The following CDC14B variants were observed in gnomAD, a reference collection of about 807,000 sequenced individuals.
CDC14B encodes cell division cycle 14B.
Under a neutral mutation model 64.2 loss-of-function variants are expected in CDC14B, and 22 were observed. The ratio of observed to expected loss-of-function variants is 0.34; its 90% CI spans 0.24 to 0.49. The LOEUF is 0.49. CDC14B is among the 20% of genes least tolerant of loss of function. The pLI, the probability that CDC14B is intolerant of heterozygous loss-of-function variation, is 0.99. For missense variants in CDC14B, 498 were observed against 629.9 expected (o/e 0.79, Z 2.24); for synonymous variants, 191 against 215.8 (o/e 0.89, Z 1.01).
intron 9 of CDC14B, among the ~76,000 whole-genome samples, chr9:96,530,459 T>C (rs1041903736): frequency 2.7e-5 from 4 of 150,856 alleles, no homozygotes; most frequent in Non-Finnish European, 4.4e-5. Flanking sequence ...TTTGGTATTT[T>C]AGTAGAGGCG....
At chr9:96,503,893 A>T in intron 13 of CDC14B, 104 bp from the exon 14 acceptor site, 1 of 854,036 alleles carries the variant, frequency 1.2e-6, no homozygotes. Context: ...TGACATGCTA[A>T]AAAGTATACG....
chr9:96,494,483 A>G (rs1006587407), intron 13 of CDC14B, among the ~76,000 whole-genome samples: 7 of 152,220 alleles, frequency 4.6e-5, no homozygotes, highest in Non-Finnish European at 1.0e-4. Context: ...CTAAAGGCCT[A>G]GCGGCTCCTG....
intron 9 of CDC14B, among the ~76,000 whole-genome samples, chr9:96,525,691 G>A (rs1035629930): frequency 3.9e-5 from 6 of 152,164 alleles, no homozygotes; most frequent in Admixed American, 1.3e-4. Context: ...CTCCCTTTTG[G>A]AATGGTAATG....
intron 3 of CDC14B, among the ~76,000 whole-genome samples, chr9:96,564,169 C>A (rs978428227): frequency 4.6e-5 from 7 of 152,026 alleles, no homozygotes; most frequent in African/African-American, 7.2e-5. Context: ...AACTTCCTAC[C>A]GTGCATGGCC....
chr9:96,526,924 C>G (rs1837652150), intron 9 of CDC14B, among the ~76,000 whole-genome samples: 1 of 152,150 alleles, frequency 6.6e-6, no homozygotes, highest in Non-Finnish European at 1.5e-5. Context: ...CTGAAGAATT[C>G]CTTCAACTGC....
chr9:96,504,248 C>G (rs1833825383), intron 13 of CDC14B, among the ~76,000 whole-genome samples: 1 of 152,144 alleles, frequency 6.6e-6, no homozygotes, highest in Non-Finnish European at 1.5e-5. Context: ...AGAAAAAGCT[C>G]TGGCACCTAA....
intron 1 of CDC14B, chr9:96,618,496 T>C (rs1391763877): frequency 1.9e-6 from 1 of 533,390 alleles, no homozygotes. Context: ...CTTGGCTACC[T>C]GCTCTGGCTG....
intron 5 of CDC14B, among the ~76,000 whole-genome samples, chr9:96,550,819 C>T (rs748942359): frequency 1.3e-5 from 2 of 152,252 alleles, no homozygotes; most frequent in Admixed American, 1.3e-4. Flanking sequence ...TCAACACAAT[C>T]GCATGCTAAG....
chr9:96,592,380 A>G (rs73542939), intron 1 of CDC14B, among the ~76,000 whole-genome samples: 2,040 of 152,326 alleles, frequency 0.013, 37 homozygotes, highest in African/African-American at 0.046. Flanking sequence ...ACCCAGCCAA[A>G]AAGCTGTTTT....
chr9:96,582,932 A>T (rs1845241110), intron 1 of CDC14B, among the ~76,000 whole-genome samples: 1 of 152,174 alleles, frequency 6.6e-6, no homozygotes, highest in Admixed American at 6.5e-5. Flanking sequence ...ACAAGGATAA[A>T]ACATATATGA....
chr9:96,611,304 T>C (rs1435499621), intron 1 of CDC14B, among the ~76,000 whole-genome samples: 2 of 152,204 alleles, frequency 1.3e-5, no homozygotes, highest in Non-Finnish European at 2.9e-5. Context: ...AAGCTAAAAA[T>C]GAAATAGTGG....
intron 1 of CDC14B, among the ~76,000 whole-genome samples, chr9:96,614,834 C>A (rs1354292736): frequency 6.6e-6 from 1 of 151,952 alleles, no homozygotes; most frequent in African/African-American, 2.4e-5. Flanking sequence ...TTACAGTTTA[C>A]ACCGCCTGTT....
chr9:96,535,373 C>G (rs1338183844), intron 7 of CDC14B, among the ~76,000 whole-genome samples: 2 of 152,014 alleles, frequency 1.3e-5, no homozygotes, highest in African/African-American at 4.8e-5. Flanking sequence ...TAAAAAATTA[C>G]AAGTATACCA....
chr9:96,547,109 A>T (rs1231418620), intron 5 of CDC14B, among the ~76,000 whole-genome samples: 2 of 151,796 alleles, frequency 1.3e-5, no homozygotes, highest in Non-Finnish European at 2.9e-5. Flanking sequence ...GGAAGGTTGG[A>T]ATATTTAACA....
chr9:96,540,025 A>C (rs1418915066), intron 6 of CDC14B, among the ~76,000 whole-genome samples: 4 of 152,256 alleles, frequency 2.6e-5, no homozygotes, highest in Admixed American at 6.5e-5. Context: ...TCAACTAAAA[A>C]GGTCTTCATT....
rs368619978 is a variant in CDC14B, at chr9:96,505,463, CT to C, written c.1461-1675del. Among the ~76,000 whole-genome samples, 81 of 152,316 alleles carry C rather than the reference CT, an allele frequency of 5.3e-4. 1 individual carries two copies. The East Asian group carries it at 0.013, about 24-fold the overall frequency. ...TAACAAACACGCACCAGCGGAAGGGCTGCGTGAAGACATGAGTGAATGCGAG... is the reference window on the plus strand; with the variant it reads ...TAACAAACACGCACCAGCGGAAGGGCGCGTGAAGACATGAGTGAATGCGAG... On this transcript the variant is annotated intron_variant, in intron 13 of 13. Transcript: ENST00000375241.
intron 1 of CDC14B, among the ~76,000 whole-genome samples, chr9:96,601,814 AAT>A (rs1846493963): frequency 6.7e-6 from 1 of 148,690 alleles, no homozygotes; most frequent in Non-Finnish European, 1.5e-5. Context: ...AAAAAAAAAA[AAT>A]TGGGAGGCCG....
At chr9:96,576,957 AAAAG>A (rs776216906) in intron 1 of CDC14B, among the ~76,000 whole-genome samples, 159 of 152,304 alleles carry the variant, frequency 1.0e-3, no homozygotes, top group Non-Finnish European at 1.4e-3. Flanking sequence ...ACAATACAAT[AAAAG>A]AAATGTTTTG....
chr9:96,551,333 G>A (rs1841810827), intron 5 of CDC14B, among the ~76,000 whole-genome samples: 1 of 151,756 alleles, frequency 6.6e-6, no homozygotes, highest in South Asian at 2.1e-4. Flanking sequence ...TGTTGCCGAG[G>A]CTGGTCTGGA....
Sources: gnomAD v4.1 joint callset for allele counts (sites outside exome capture counted in the v4.1 genomes callset) on GRCh38, gnomAD v4.1.1 for gene constraint, MANE v1.5 for transcripts, NCBI Gene and HGNC (gene_info 2026-07-23, HGNC 2026-07-21) for gene names.